The following FUT8 variants were observed in gnomAD, a reference collection of about 807,000 sequenced individuals.
The protein encoded by FUT8 is alpha-(1,6)-fucosyltransferase.
FUT8 carries 29 observed loss-of-function variants against 71.3 expected under a neutral mutation model. The ratio of observed to expected loss-of-function variants is 0.41; its 90% CI spans 0.30 to 0.55. FUT8 has a LOEUF of 0.55. FUT8 is among the 20% of genes least tolerant of loss of function. The pLI, the probability that FUT8 is intolerant of heterozygous loss-of-function variation, is 0.34. For synonymous variants in FUT8, 254 were observed against 239.3 expected, an observed-to-expected ratio of 1.06 and a Z score of -0.57; for missense variants, 544 against 702.1, an observed-to-expected ratio of 0.77 and a Z score of 2.55.
At chr14:65,666,270 T>C (rs1288253053) in intron 6 of FUT8, among the ~76,000 whole-genome samples, 2 of 152,104 alleles carry the variant, frequency 1.3e-5, no homozygotes, top group Non-Finnish European at 2.9e-5. Flanking sequence ...CTTTCCTGAA[T>C]AAGAAACGTA....
intron 7 of FUT8, among the ~76,000 whole-genome samples, chr14:65,709,412 A>T (rs1348274958): frequency 2.6e-5 from 4 of 152,242 alleles, no homozygotes; most frequent in Admixed American, 6.5e-5. Flanking sequence ...ATTAAAATAA[A>T]CATTGAATCA....
chr14:65,564,543 A>G (rs1273763059), intron 3 of FUT8, among the ~76,000 whole-genome samples: 1 of 152,064 alleles, frequency 6.6e-6, no homozygotes, highest in East Asian at 1.9e-4. Flanking sequence ...TTGATGAGTA[A>G]TGTCTGTACA....
rs570328159 is a variant in FUT8 at position 65,634,536 on chromosome 14, C to T, written c.597+4930C>T. The stretch of plus-strand genomic sequence containing the variant: ...TATGACCCTGCCAAATCCCCCTCTG[C>T]GAGAAACACCCAAGAATGATCAATT... On this transcript the variant is annotated intron_variant, in intron 6 of 10. Transcript: ENST00000673929. 5.9e-4 allele frequency among the ~76,000 whole-genome samples: 83 copies of T among 139,804 alleles called. No homozygotes were observed. The Middle Eastern group carries it at 0.026, about 44-fold the overall frequency. 91.7% of individuals were successfully genotyped at this position (139,804 alleles called of 152,430 possible).
intron 6 of FUT8, among the ~76,000 whole-genome samples, chr14:65,645,100 C>G (rs555348221): frequency 6.6e-6 from 1 of 152,284 alleles, no homozygotes; most frequent in East Asian, 1.9e-4. Context: ...CCTTGGAGTA[C>G]TCAAAATTTT....
chr14:65,647,877 G>GT (rs1442160265), intron 6 of FUT8, among the ~76,000 whole-genome samples: 1 of 150,972 alleles, frequency 6.6e-6, no homozygotes, highest in Non-Finnish European at 1.5e-5. Context: ...CTCATTAAAG[G>GT]TTAAAAAAAA....
chr14:65,622,910 G>GTTTTTTTTTTTTT (rs33918554), intron 5 of FUT8, among the ~76,000 whole-genome samples: 1 of 128,886 alleles, frequency 7.8e-6, no homozygotes, highest in African/African-American at 3.0e-5. Flanking sequence ...GAGCTTCTCT[G>GTTTTTTTTTTTTT]TTTTTTTTTT....
At chr14:65,430,814 A>G (rs1337252498) in intron 1 of FUT8, among the ~76,000 whole-genome samples, 2 of 152,136 alleles carry the variant, frequency 1.3e-5, no homozygotes, top group African/African-American at 4.8e-5. Flanking sequence ...GGGATATAGA[A>G]AGCTCTCTTT....
At chr14:65,548,032 T>C (rs1885071586) in intron 2 of FUT8, among the ~76,000 whole-genome samples, 1 of 152,028 alleles carries the variant, frequency 6.6e-6, no homozygotes, top group Admixed American at 6.6e-5. Context: ...TTTATGACTT[T>C]AATAGTTCAA....
intron 1 of FUT8, among the ~76,000 whole-genome samples, chr14:65,417,966 C>T (rs2065242369): frequency 6.6e-6 from 1 of 152,014 alleles, no homozygotes; most frequent in African/African-American, 2.4e-5. Flanking sequence ...CTTGTCACAG[C>T]CTTGATGACT....
At chr14:65,695,189 G>C in intron 7 of FUT8, among the ~76,000 whole-genome samples, 1 of 152,310 alleles carries the variant, frequency 6.6e-6, no homozygotes, top group East Asian at 1.9e-4. Context: ...TGATGGTGCT[G>C]CTCAGTTCAA....
At chr14:65,644,757 G>C (rs1248548929) in intron 6 of FUT8, among the ~76,000 whole-genome samples, 2 of 152,112 alleles carry the variant, frequency 1.3e-5, no homozygotes, top group African/African-American at 2.4e-5. Flanking sequence ...TTCATCAACT[G>C]ATTAACATAT....
At chr14:65,399,232 G>T in the FUT8 span, among the ~76,000 whole-genome samples, 5 of 152,124 alleles carry the variant, frequency 3.3e-5, no homozygotes, top group Non-Finnish European at 5.9e-5. Context: ...CAGGAGAATC[G>T]CTTGAACCCA....
upstream of FUT8, chr14:65,411,691 G>T: frequency 3.8e-6 from 1 of 266,200 alleles, no homozygotes; most frequent in Non-Finnish European, 7.4e-6. Flanking sequence ...TTGTCTTAAG[G>T]GCACCATTTC....
chr14:65,502,675 T>A (rs2066665377), intron 2 of FUT8, among the ~76,000 whole-genome samples: 1 of 152,246 alleles, frequency 6.6e-6, no homozygotes, highest in Non-Finnish European at 1.5e-5. Context: ...AAAGTAATGA[T>A]GTTACCCATA....
rs74056812 is a variant in FUT8 at position 65,729,545 on chromosome 14, T to A, written c.1260-3686T>A. On this transcript the variant is annotated intron_variant, in intron 9 of 10. Transcript: ENST00000673929. Reference sequence around the variant, plus strand: ...TATAAACTTTTTTTTTTTTTTTTTTTAAATACAGGGTCCAGGCTGGAGTGC... The same window carrying A: ...TATAAACTTTTTTTTTTTTTTTTTTAAAATACAGGGTCCAGGCTGGAGTGC... Among the ~76,000 whole-genome samples, 1,203 of 145,690 alleles carry A rather than the reference T, an allele frequency of 8.3e-3. 9 individuals carry two copies. Among genetic ancestry groups the A allele is most frequent in the African/African-American group, 0.025 (996 of 40,602 alleles).
chr14:65,412,303 T>A (rs1173342187), upstream of FUT8: 1 of 456,630 alleles, frequency 2.2e-6, no homozygotes, highest in East Asian at 7.0e-5. Context: ...CCCCTAAAAG[T>A]AGCAAGGAGC....
the FUT8 span, among the ~76,000 whole-genome samples, chr14:65,385,656 GA>G: frequency 2.6e-5 from 4 of 152,220 alleles, no homozygotes; most frequent in African/African-American, 9.6e-5. Flanking sequence ...AATAATGGCA[GA>G]AGTTATAATT....
intron 6 of FUT8, among the ~76,000 whole-genome samples, chr14:65,655,494 A>AG (rs1006214424): frequency 9.9e-5 from 15 of 151,482 alleles, no homozygotes; most frequent in African/African-American, 3.4e-4. Flanking sequence ...AAAAAAAAAA[A>AG]GTACAGTGAC....
the FUT8 span, among the ~76,000 whole-genome samples, chr14:65,360,327 T>A: frequency 6.6e-6 from 1 of 152,250 alleles, no homozygotes; most frequent in Non-Finnish European, 1.5e-5. Context: ...TGGGCACGAC[T>A]CACAGCAGGT....
Sources: allele counts gnomAD v4.1 joint callset (sites outside exome capture counted in the v4.1 genomes callset), GRCh38; gene constraint gnomAD v4.1.1; transcripts MANE v1.5; gene names NCBI Gene and HGNC (gene_info 2026-07-23, HGNC 2026-07-21).